Variants in PLGRKT observed in about 807,000 individuals in gnomAD.
The protein encoded by PLGRKT is plasminogen receptor (KT).
Under a neutral mutation model 18.5 loss-of-function variants are expected in PLGRKT, and 22 were observed. That is an observed-to-expected ratio of 1.19 (90% confidence interval 0.85 to 1.70). PLGRKT has a LOEUF of 1.70. PLGRKT is among the 40% of genes most tolerant of loss of function. PLGRKT has a pLI of 0.00. For synonymous variants in PLGRKT, 72 were observed against 52.8 expected (o/e 1.36, Z -1.58); for missense variants, 235 against 174.4 (o/e 1.35, Z -1.96).
At chr9:5,363,758 G>A (rs995261438) in intron 3 of PLGRKT, among the ~76,000 whole-genome samples, 1 of 152,116 alleles carries the variant, frequency 6.6e-6, no homozygotes, top group Non-Finnish European at 1.5e-5. Flanking sequence ...AAAGATGAAC[G>A]GAGAAGGGGA....
chr9:5,416,084 T>C (rs1018886312), intron 3 of PLGRKT, among the ~76,000 whole-genome samples: 4 of 152,212 alleles, frequency 2.6e-5, no homozygotes, highest in African/African-American at 9.6e-5. Context: ...GAACTCTCCA[T>C]GTTTTGCACC....
intron 3 of PLGRKT, among the ~76,000 whole-genome samples, chr9:5,385,617 G>A (rs533242607): frequency 2.0e-5 from 3 of 151,846 alleles, no homozygotes; most frequent in Admixed American, 2.0e-4. Flanking sequence ...GTACCTGTGT[G>A]TTTTGGAGAA....
intron 3 of PLGRKT, among the ~76,000 whole-genome samples, chr9:5,403,811 T>C (rs1366348855): frequency 6.6e-6 from 1 of 152,254 alleles, no homozygotes; most frequent in Non-Finnish European, 1.5e-5. Flanking sequence ...TGCACTTTTC[T>C]TCACATAAGA....
At chr9:5,373,256 T>C (rs1026689429) in intron 3 of PLGRKT, among the ~76,000 whole-genome samples, 5 of 152,186 alleles carry the variant, frequency 3.3e-5, no homozygotes, top group Admixed American at 1.3e-4. Flanking sequence ...CACTGTAGTG[T>C]GTAATTTTAG....
chr9:5,388,430 A>C (rs1294834165), intron 3 of PLGRKT, among the ~76,000 whole-genome samples: 1 of 152,026 alleles, frequency 6.6e-6, no homozygotes, highest in Admixed American at 6.5e-5. Context: ...CACTCAATAA[A>C]TATCATAGGA....
chr9:5,437,470 T>C (rs1356541121), intron 1 of PLGRKT, among the ~76,000 whole-genome samples: 15 of 152,236 alleles, frequency 9.9e-5, no homozygotes, highest in Admixed American at 9.8e-4. Context: ...CCTTGCTCCC[T>C]GAGGCCAGTT....
At chr9:5,394,151 A>G (rs1818000651) in intron 3 of PLGRKT, among the ~76,000 whole-genome samples, 1 of 151,870 alleles carries the variant, frequency 6.6e-6, no homozygotes, top group Non-Finnish European at 1.5e-5. Context: ...AAAGTTTCAA[A>G]GGCAAAATGA....
At chr9:5,431,796 A>G (rs904331478) in intron 3 of PLGRKT, 101 bp downstream of exon 3, 2 of 650,204 alleles carry the variant, frequency 3.1e-6, no homozygotes, top group Admixed American at 5.4e-5. Context: ...CCCAAAGAAC[A>G]TTTTATTGTT....
At chr9:5,409,060 C>A (rs985358717) in intron 3 of PLGRKT, among the ~76,000 whole-genome samples, 2 of 152,194 alleles carry the variant, frequency 1.3e-5, no homozygotes, top group African/African-American at 4.8e-5. Flanking sequence ...CAGAAGCCTG[C>A]TGCAGGGGGA....
rs1186122180 is a variant in PLGRKT, at chr9:5,437,802, T to C, written c.-146A>G. On this transcript the variant is annotated 5_prime_UTR_variant, in exon 1 of 6. Transcript: ENST00000223864. ...GTGTTCACTCACTGGGCGGCGCTGG[T>C]GCCGGGACCAGGCGACCGGTACGCA... 2.0e-5 allele frequency: 3 copies of C among 152,260 alleles called. No individual in the cohort carries two copies. The highest frequency in any genetic ancestry group is 7.2e-5 in the African/African-American group (3 of 41,452). The allele number at this position is 152,260 out of a possible 1,614,324, so 9.4% of individuals were successfully genotyped here. A position where few individuals can be genotyped will look rare whatever the true frequency, so the allele number is the denominator to read the frequency against.
chr9:5,373,590 G>A (rs62557749), intron 3 of PLGRKT, among the ~76,000 whole-genome samples: 8,982 of 152,072 alleles, frequency 0.059, 433 homozygotes, highest in African/African-American at 0.13. Flanking sequence ...GCTTGAGCCC[G>A]TAAGTTCAAG....
Position 5,362,809 on chromosome 9 carries a change from T to C in PLGRKT, c.82-921A>G, listed in dbSNP as rs551837593. ...AGATGGGGCTTGGCTCCTTGGCCTATTTGGGAGGTTAAATCACCAGAAGAT... is the reference window on the plus strand; with the variant it reads ...AGATGGGGCTTGGCTCCTTGGCCTACTTGGGAGGTTAAATCACCAGAAGAT... On this transcript the variant is annotated intron_variant, in intron 3 of 5. Transcript: ENST00000223864. Among the ~76,000 whole-genome samples, 4 of 152,196 alleles carry C rather than the reference T, an allele frequency of 2.6e-5. No individual in the cohort carries two copies. In the South Asian group the frequency reaches 8.3e-4, roughly 32 times the overall value.
At chr9:5,396,960 C>A (rs7026370) in intron 3 of PLGRKT, among the ~76,000 whole-genome samples, 5,798 of 152,014 alleles carry the variant, frequency 0.038, 464 homozygotes, top group African/African-American at 0.13. Context: ...GTGATTCATA[C>A]TTCACAGTGA....
At chr9:5,392,434 TAC>T (rs992912192) in intron 3 of PLGRKT, 2 of 152,016 alleles carry the variant, frequency 1.3e-5, no homozygotes, top group African/African-American at 4.8e-5. Context: ...GCAATTATAA[TAC>T]AGTTATTCAT....
At chr9:5,397,140 T>C (rs1410126013) in intron 3 of PLGRKT, among the ~76,000 whole-genome samples, 1 of 151,938 alleles carries the variant, frequency 6.6e-6, no homozygotes, top group African/African-American at 2.4e-5. Flanking sequence ...CAAAACGAAA[T>C]TGTAGGCTTC....
chr9:5,370,909 A>G (rs1010229189), intron 3 of PLGRKT, among the ~76,000 whole-genome samples: 12 of 152,200 alleles, frequency 7.9e-5, no homozygotes, highest in African/African-American at 2.7e-4. Context: ...CAATGAGGAA[A>G]TCAGTAGTAA....
At chr9:5,383,336 G>A (rs1224738276) in intron 3 of PLGRKT, among the ~76,000 whole-genome samples, 5 of 152,158 alleles carry the variant, frequency 3.3e-5, no homozygotes, top group Non-Finnish European at 5.9e-5. Flanking sequence ...CACTTGTTGA[G>A]GCAGCTCTAG....
intron 3 of PLGRKT, among the ~76,000 whole-genome samples, chr9:5,408,210 A>G (rs1818292370): frequency 6.6e-6 from 1 of 152,182 alleles, no homozygotes; most frequent in Admixed American, 6.6e-5. Flanking sequence ...TCAGAGGAAG[A>G]CAGAAGGATG....
chr9:5,411,678 T>C (rs373092668), intron 3 of PLGRKT, among the ~76,000 whole-genome samples: 67 of 152,326 alleles, frequency 4.4e-4, no homozygotes, highest in African/African-American at 1.5e-3. Context: ...ACACATCCTC[T>C]TGCTGGCTAG....
Sources: gnomAD v4.1 joint callset for allele counts (sites outside exome capture counted in the v4.1 genomes callset) on GRCh38, gnomAD v4.1.1 for gene constraint, MANE v1.5 for transcripts, NCBI Gene and HGNC (gene_info 2026-07-23, HGNC 2026-07-21) for gene names.